INPP5D: variants seen among roughly 807,000 people sequenced by gnomAD.
INPP5D encodes the protein inositol polyphosphate-5-phosphatase D.
INPP5D carries 33 observed loss-of-function variants against 122.9 expected under a neutral mutation model. The ratio of observed to expected loss-of-function variants is 0.27; its 90% CI spans 0.20 to 0.36. The LOEUF (loss-of-function observed/expected upper bound fraction) is 0.36. INPP5D is among the 10% of genes least tolerant of loss of function. INPP5D has a pLI of 1.00. For missense variants in INPP5D, 1,053 were observed against 1,412.7 expected (o/e 0.75, Z 4.08); for synonymous variants, 584 against 576.2 (o/e 1.01, Z -0.19).
rs1302601229 is a variant in INPP5D at position 233,207,184 on chromosome 2, C to T, written c.*476C>T. 2 of 155,386 alleles carry T rather than the reference C, an allele frequency of 1.3e-5. No individual in the cohort carries two copies. Among genetic ancestry groups the T allele is most frequent in the African/African-American group, 4.8e-5 (2 of 41,434 alleles). 9.6% of individuals were successfully genotyped at this position (155,386 alleles called of 1,614,324 possible). ...GGCTCTAGCCACCTAAAACCACGTGCCCAAACCCACCAGTTTAAAACGGTG... is the reference window on the plus strand; with the variant it reads ...GGCTCTAGCCACCTAAAACCACGTGTCCAAACCCACCAGTTTAAAACGGTG... On this transcript the variant is annotated 3_prime_UTR_variant, in exon 27 of 27. Coordinates refer to ENST00000445964, the MANE Select transcript of INPP5D (RefSeq NM_001017915.3). This position sits in a 1 kb window ranked among gnomAD's most constrained non-coding sequence, Gnocchi z 4.6.
At chr2:233,080,358 C>T (rs1361563140) in intron 2 of INPP5D, among the ~76,000 whole-genome samples, 1 of 151,996 alleles carries the variant, frequency 6.6e-6, no homozygotes, top group Admixed American at 6.6e-5. Context: ...GCCAGGAAAG[C>T]TATTGTTATC....
At chr2:233,065,044 G>A (rs1348829322) in intron 1 of INPP5D, among the ~76,000 whole-genome samples, 1 of 152,188 alleles carries the variant, frequency 6.6e-6, no homozygotes, top group African/African-American at 2.4e-5. Flanking sequence ...TGACTGTGCC[G>A]GGTTTTCTCT....
chr2:233,189,803 C>A lies in INPP5D; in HGVS notation c.2359-47C>A. The stretch of plus-strand genomic sequence containing the variant: ...ACTTGTCCACCCACCTGTCCCCTCA[C>A]CTGTCCCTTGCCCATCAACTCCAGT... On this transcript the variant is annotated intron_variant, in intron 21 of 26. Coordinates refer to ENST00000445964, the MANE Select transcript of INPP5D (RefSeq NM_001017915.3). This position sits in a 1 kb window ranked among gnomAD's most constrained non-coding sequence, Gnocchi z 5.6. 1 of 1,602,006 alleles carries A rather than the reference C, an allele frequency of 6.2e-7. No individual in the cohort carries two copies. Among genetic ancestry groups the A allele is most frequent in the Non-Finnish European group, 8.5e-7 (1 of 1,174,642 alleles).
Position 233,125,884 on chromosome 2 carries a change from A to T in INPP5D, c.489A>T (p.Thr163=), listed in dbSNP as rs61752227. 1 of 1,613,740 alleles carries T rather than the reference A, an allele frequency of 6.2e-7. No individual in the cohort carries two copies. The highest frequency in any genetic ancestry group is 2.2e-5 in the East Asian group (1 of 44,854). ...TETSRPSLSE[T]LFQRLQSMDT... ...CCAGCCGGCCGAGCCTCTCCGAGAC[A>T]TTGTTCCAGCGACTGCAAAGCATGG... Residue 163 remains threonine, a synonymous_variant, in exon 4 of 27, where the codon ACA becomes ACT. Transcript: ENST00000445964.
intron 2 of INPP5D, among the ~76,000 whole-genome samples, chr2:233,118,043 G>T (rs1179231302): frequency 6.6e-6 from 1 of 152,180 alleles, no homozygotes; most frequent in Non-Finnish European, 1.5e-5. Flanking sequence ...CCTGACTGTG[G>T]GCACACAGCT....
intron 2 of INPP5D, among the ~76,000 whole-genome samples, chr2:233,112,699 TCTCA>T (rs1475877874): frequency 6.6e-6 from 1 of 152,122 alleles, no homozygotes; most frequent in Non-Finnish European, 1.5e-5. Context: ...AAATACCGCA[TCTCA>T]CTCTGTTGCC....
intron 2 of INPP5D, among the ~76,000 whole-genome samples, chr2:233,087,622 G>T (rs560789799): frequency 2.8e-4 from 43 of 152,142 alleles, no homozygotes; most frequent in African/African-American, 9.6e-4. Context: ...ACCATGCCCA[G>T]CCCTGAGGTA....
At chr2:233,135,152 A>T (rs1693433385) in intron 5 of INPP5D, among the ~76,000 whole-genome samples, 1 of 151,678 alleles carries the variant, frequency 6.6e-6, no homozygotes, top group Non-Finnish European at 1.5e-5. Flanking sequence ...CTCCATAATG[A>T]TCCAAATAAT....
chr2:233,198,379 G>A lies in INPP5D; in HGVS notation c.2975+3G>A, dbSNP rs376855347. 288 of 1,605,550 alleles carry A rather than the reference G, an allele frequency of 1.8e-4. No homozygotes were observed. The highest frequency in any genetic ancestry group is 2.3e-4 in the Non-Finnish European group (270 of 1,173,528). On this transcript the variant is annotated splice_donor_region_variant and intron_variant, in intron 25 of 26. Coordinates refer to ENST00000445964, the MANE Select transcript of INPP5D (RefSeq NM_001017915.3). ...CCTCCCAGGACACAGGAGTCAAGGT[G>A]AGCATCCTCTTCATTAAGACGGCTC... is the stretch of plus-strand genomic sequence containing the variant.
intron 9 of INPP5D, among the ~76,000 whole-genome samples, chr2:233,150,611 C>T (rs1014263194): frequency 1.3e-5 from 2 of 152,186 alleles, no homozygotes; most frequent in Non-Finnish European, 2.9e-5. Context: ...GAAAGAAACA[C>T]CTCCCAGGGT....
chr2:233,129,169 A>T (rs553104260), intron 4 of INPP5D, among the ~76,000 whole-genome samples: 54 of 152,152 alleles, frequency 3.5e-4, no homozygotes, highest in Admixed American at 3.9e-4. Flanking sequence ...CTGTCTCAAA[A>T]AAATAAATAA....
chr2:233,165,956 C>T (rs113991494), intron 13 of INPP5D, among the ~76,000 whole-genome samples: 277 of 152,188 alleles, frequency 1.8e-3, no homozygotes, highest in African/African-American at 6.1e-3. Context: ...TGGTTGGAGT[C>T]AGTGGAGTCA....
Position 233,110,916 on chromosome 2 carries a change from C to T in INPP5D, c.199-11191C>T, listed in dbSNP as rs548271440. 1.4e-4 allele frequency among the ~76,000 whole-genome samples: 21 copies of T among 148,980 alleles called. No homozygotes were observed. The East Asian group carries it at 1.6e-3, about 11-fold the overall frequency. On this transcript the variant is annotated intron_variant, in intron 2 of 26. Transcript: ENST00000445964. ...CTCCAGCCTGGGCGACACAGCGAGA[C>T]TCCGTCTCTTAAAAAAAAAACAACA...
At chr2:233,071,596 T>C (rs1691385643) in intron 1 of INPP5D, among the ~76,000 whole-genome samples, 1 of 152,220 alleles carries the variant, frequency 6.6e-6, no homozygotes. Flanking sequence ...GGGACTTTGA[T>C]TGGAATTGTA....
chr2:233,201,290 G>T (rs1476470423), intron 25 of INPP5D, among the ~76,000 whole-genome samples: 1 of 152,194 alleles, frequency 6.6e-6, no homozygotes, highest in African/African-American at 2.4e-5. Flanking sequence ...AAAGAAAAAG[G>T]AGCATGATTA....
At chr2:233,157,277 G>T (rs36145835) in intron 9 of INPP5D, among the ~76,000 whole-genome samples, 25,440 of 151,986 alleles carry the variant, frequency 0.17, 3,835 homozygotes, top group African/African-American at 0.4. Context: ...TATGAAGTAA[G>T]GCCCCAAGGT....
chr2:233,123,936 G>A (rs901352022), intron 3 of INPP5D, among the ~76,000 whole-genome samples: 7 of 152,132 alleles, frequency 4.6e-5, no homozygotes, highest in African/African-American at 1.2e-4. Flanking sequence ...GACACAAAGA[G>A]GGGAACAGCA....
intron 2 of INPP5D, among the ~76,000 whole-genome samples, chr2:233,084,650 G>T (rs958439300): frequency 2.6e-5 from 4 of 152,248 alleles, no homozygotes; most frequent in Admixed American, 6.5e-5. Flanking sequence ...CTCAGGAAGC[G>T]AGTGGCAGCT....
In INPP5D at chr2:233,164,007, T is replaced by G; in HGVS notation, c.1437+104T>G. Reference sequence around the variant, plus strand: ...GGCTCAGCCTATCAGCTCTCAGTTTTCAAGGATGTCTGGAGGCCCCCACTG... The same window carrying G: ...GGCTCAGCCTATCAGCTCTCAGTTTGCAAGGATGTCTGGAGGCCCCCACTG... On this transcript the variant is annotated intron_variant, in intron 12 of 26. Transcript: ENST00000445964. The surrounding 1 kb of genome is among the most constrained non-coding windows in gnomAD (Gnocchi z 4.3). 1 of 1,477,182 alleles carries G rather than the reference T, an allele frequency of 6.8e-7. No homozygotes were observed. The highest frequency in any genetic ancestry group is 1.4e-5 in the South Asian group (1 of 72,558). The allele number at this position is 1,477,182 out of a possible 1,614,324, so 91.5% of individuals were successfully genotyped here. A position where few individuals can be genotyped will look rare whatever the true frequency, so the allele number is the denominator to read the frequency against.
Sources: allele counts gnomAD v4.1 joint callset (sites outside exome capture counted in the v4.1 genomes callset), GRCh38; gene constraint gnomAD v4.1.1; non-coding constraint Gnocchi (gnomAD v3.1); transcripts MANE v1.5; gene names NCBI Gene and HGNC (gene_info 2026-07-23, HGNC 2026-07-21).